CADPS: variants seen among roughly 807,000 people sequenced by gnomAD.
CADPS encodes calcium-dependent secretion activator 1.
In CADPS, 57 loss-of-function variants were observed where a neutral mutation model predicts 167.3. The ratio of observed to expected loss-of-function variants is 0.34; its 90% confidence interval spans 0.28 to 0.42. The LOEUF (loss-of-function observed/expected upper bound fraction) is 0.42, where lower values mean the gene tolerates loss of function less well. Ranked by LOEUF, CADPS falls within the 20% of genes least tolerant of loss-of-function variation. The pLI, the probability that CADPS is intolerant of heterozygous loss-of-function variation, is 1.00. For missense variants in CADPS, 1,414 were observed against 1,738.1 expected (o/e 0.81, Z 3.32); for synonymous variants, 676 against 635.3 (o/e 1.06, Z -0.96).
intron 28 of CADPS, among the ~76,000 whole-genome samples, chr3:62,428,923 T>G (rs2053354468): frequency 6.6e-6 from 1 of 152,198 alleles, no homozygotes; most frequent in Non-Finnish European, 1.5e-5. Flanking sequence ...ACTAGCACTC[T>G]ACAACAAAGA....
chr3:62,866,180 G>T (rs182288708), intron 1 of CADPS, among the ~76,000 whole-genome samples: 1 of 151,980 alleles, frequency 6.6e-6, no homozygotes, highest in Admixed American at 6.6e-5. Context: ...TCACTTTTTG[G>T]TATTAACAAA....
chr3:62,780,165 G>A (rs2091286625), intron 1 of CADPS, among the ~76,000 whole-genome samples: 1 of 152,134 alleles, frequency 6.6e-6, no homozygotes, highest in Admixed American at 6.5e-5. Flanking sequence ...GAGCCACTGT[G>A]CCTGGCCTCA....
chr3:62,855,326 C>T (rs1419066056), intron 1 of CADPS, among the ~76,000 whole-genome samples: 1 of 151,882 alleles, frequency 6.6e-6, no homozygotes, highest in African/African-American at 2.4e-5. Context: ...TCTCTTAAGA[C>T]ATCCTTGATT....
chr3:62,570,067 C>T (rs933690706), intron 9 of CADPS, among the ~76,000 whole-genome samples: 17 of 152,042 alleles, frequency 1.1e-4, no homozygotes, highest in Non-Finnish European at 1.9e-4. Flanking sequence ...ATATTCCCTG[C>T]AGCCTTGTTA....
Position 62,478,748 on chromosome 3 carries a change from C to T in CADPS, c.3174-332G>A, listed in dbSNP as rs540526515. Among the ~76,000 whole-genome samples, 1 of 152,210 alleles carries T rather than the reference C, an allele frequency of 6.6e-6. No individual in the cohort carries two copies. Among genetic ancestry groups the T allele is most frequent in the South Asian group, 2.1e-4 (1 of 4,820 alleles). On this transcript the variant is annotated intron_variant, in intron 22 of 29. Transcript: ENST00000383710. This position sits in a 1 kb window ranked among gnomAD's most constrained non-coding sequence, Gnocchi z 5.7. ...CATGTGATGATTCAGATGAAGGCCA[C>T]GAACCAGGGGGAGAAATAGTCTCAA...
intron 13 of CADPS, among the ~76,000 whole-genome samples, chr3:62,520,715 C>A (rs1292499262): frequency 6.6e-6 from 1 of 152,142 alleles, no homozygotes; most frequent in African/African-American, 2.4e-5. Context: ...GCCAGAATTG[C>A]TCTGAAATGG....
chr3:62,784,805 TACACA>T (rs1465448947), intron 1 of CADPS, among the ~76,000 whole-genome samples: 8 of 151,154 alleles, frequency 5.3e-5, no homozygotes, highest in Non-Finnish European at 8.8e-5. Context: ...GATTAAAAGA[TACACA>T]AGGGCCATAT....
rs145894964 is a variant in CADPS, at chr3:62,640,836, G to C, written c.1325+4886C>G. On this transcript the variant is annotated intron_variant, in intron 6 of 29. Coordinates refer to ENST00000383710, the MANE Select transcript of CADPS (RefSeq NM_003716.4). Reference sequence around the variant, plus strand: ...AGTGTTCCAGTATTTAATCCTTGGGGCATGGTTATTACAGAGGACAACTTA... The same window carrying C: ...AGTGTTCCAGTATTTAATCCTTGGGCCATGGTTATTACAGAGGACAACTTA... 2.6e-5 allele frequency among the ~76,000 whole-genome samples: 4 copies of C among 152,142 alleles called. No homozygotes were observed. The East Asian group carries it at 5.8e-4, about 22-fold the overall frequency.
intron 6 of CADPS, among the ~76,000 whole-genome samples, chr3:62,612,730 G>A (rs2061672863): frequency 6.6e-6 from 1 of 152,170 alleles, no homozygotes; most frequent in Non-Finnish European, 1.5e-5. Flanking sequence ...GGAATTGATT[G>A]GACAGCTGTC....
At chr3:62,825,226 A>T (rs1257359577) in intron 1 of CADPS, among the ~76,000 whole-genome samples, 1 of 152,102 alleles carries the variant, frequency 6.6e-6, no homozygotes, top group Non-Finnish European at 1.5e-5. Context: ...TTTCCTTATT[A>T]GCTTGGAGGG....
chr3:62,834,183 A>T (rs2075561587), intron 1 of CADPS, among the ~76,000 whole-genome samples: 1 of 152,158 alleles, frequency 6.6e-6, no homozygotes, highest in South Asian at 2.1e-4. Flanking sequence ...ACCCCATACA[A>T]CATGAAGAGG....
At chr3:62,701,482 C>G (rs142562714) in intron 3 of CADPS, among the ~76,000 whole-genome samples, 1 of 151,642 alleles carries the variant, frequency 6.6e-6, no homozygotes, top group African/African-American at 2.4e-5. Context: ...AGAAAAGATG[C>G]CCTGTAGTCC....
intron 3 of CADPS, among the ~76,000 whole-genome samples, chr3:62,724,787 A>G (rs2076438252): frequency 6.6e-6 from 1 of 152,234 alleles, no homozygotes. Flanking sequence ...GAAACCTTCA[A>G]AAGATAGCTT....
intron 5 of CADPS, among the ~76,000 whole-genome samples, chr3:62,646,168 T>A (rs2068529232): frequency 6.6e-6 from 1 of 150,520 alleles, no homozygotes; most frequent in Non-Finnish European, 1.5e-5. Flanking sequence ...GCTCTTTTTT[T>A]TTTTTTTTTT....
chr3:62,446,615 A>G lies in CADPS; in HGVS notation c.3637-818T>C, dbSNP rs2057268665. On this transcript the variant is annotated intron_variant, in intron 26 of 29. Coordinates refer to ENST00000383710, the MANE Select transcript of CADPS (RefSeq NM_003716.4). This position sits in a 1 kb window ranked among gnomAD's most constrained non-coding sequence, Gnocchi z 4.9. The stretch of plus-strand genomic sequence containing the variant: ...TATTTCCGCAGGTTGATAAGGGTGA[A>G]TTCACACTTAGCCCCAGGATGTAAA... Among the ~76,000 whole-genome samples the G allele has an allele frequency of 6.6e-6, 1 of 152,172 alleles. No homozygotes were observed. The highest frequency in any genetic ancestry group is 1.5e-5 in the Non-Finnish European group (1 of 68,036).
Position 62,795,227 on chromosome 3 carries a change from C to T in CADPS, c.442-29243G>A, listed in dbSNP as rs1388809197. ...CACCAGCTCTTGGCAAAACCTCACCCTTCTGGTATCATTTTTGAAATCACC... is the reference window on the plus strand; with the variant it reads ...CACCAGCTCTTGGCAAAACCTCACCTTTCTGGTATCATTTTTGAAATCACC... On this transcript the variant is annotated intron_variant, in intron 1 of 29. Transcript: ENST00000383710. 2.0e-5 allele frequency among the ~76,000 whole-genome samples: 3 copies of T among 152,128 alleles called. No homozygotes were observed. The East Asian group carries it at 5.8e-4, about 29-fold the overall frequency.
intron 28 of CADPS, among the ~76,000 whole-genome samples, chr3:62,409,968 C>T (rs1382603915): frequency 6.6e-6 from 1 of 152,226 alleles, no homozygotes; most frequent in Non-Finnish European, 1.5e-5. Flanking sequence ...TCCTGTGTTG[C>T]TTTTTTCTTC....
At chr3:62,406,622 A>C (rs914597141) in intron 28 of CADPS, among the ~76,000 whole-genome samples, 3 of 152,188 alleles carry the variant, frequency 2.0e-5, no homozygotes, top group African/African-American at 4.8e-5. Context: ...CCTTTAATTC[A>C]AATATATTAA....
At chr3:62,745,199 C>A (rs932017971) in intron 3 of CADPS, among the ~76,000 whole-genome samples, 1 of 152,098 alleles carries the variant, frequency 6.6e-6, no homozygotes, top group Admixed American at 6.5e-5. Context: ...CCTCCCATCC[C>A]AGCCTCCCAA....
Sources: gnomAD v4.1 joint callset for allele counts (sites outside exome capture counted in the v4.1 genomes callset) on GRCh38, gnomAD v4.1.1 for gene constraint, Gnocchi (gnomAD v3.1) non-coding constraint, MANE v1.5 for transcripts, NCBI Gene and HGNC (gene_info 2026-07-23, HGNC 2026-07-21) for gene names.